Variants in KDM4A observed in about 807,000 individuals in gnomAD.
KDM4A encodes lysine demethylase 4A, also known as lysine-specific demethylase 4A.
In KDM4A, 23 loss-of-function variants were observed where a neutral mutation model predicts 127.1. The ratio of observed to expected loss-of-function variants is 0.18; its 90% CI spans 0.13 to 0.26. The LOEUF (loss-of-function observed/expected upper bound fraction) is 0.26. Ranked by LOEUF, KDM4A falls within the 10% of genes least tolerant of loss-of-function variation. KDM4A has a pLI of 1.00. For synonymous variants in KDM4A, 443 were observed against 466.5 expected, an observed-to-expected ratio of 0.95 and a Z score of 0.65; for missense variants, 890 against 1,329.1, an observed-to-expected ratio of 0.67 and a Z score of 5.14.
At chr1:43,675,200 T>TG (rs1330881417) in intron 11 of KDM4A, among the ~76,000 whole-genome samples, 1 of 152,262 alleles carries the variant, frequency 6.6e-6, no homozygotes. Context: ...CTTGTTTGTT[T>TG]GAACTACTTA....
chr1:43,658,204 G>A (rs1293026238), intron 3 of KDM4A, among the ~76,000 whole-genome samples: 1 of 149,856 alleles, frequency 6.7e-6, no homozygotes, highest in African/African-American at 2.5e-5. Flanking sequence ...CATGTAGCTG[G>A]GATTACAGGT....
intron 11 of KDM4A, among the ~76,000 whole-genome samples, chr1:43,672,936 GT>G (rs1660658252): frequency 6.6e-6 from 1 of 152,092 alleles, no homozygotes; most frequent in East Asian, 1.9e-4. Context: ...AAATTCAAGG[GT>G]TTTTTTCTTA....
At chr1:43,687,586 C>T (rs1661016511) in intron 12 of KDM4A, among the ~76,000 whole-genome samples, 2 of 152,236 alleles carry the variant, frequency 1.3e-5, no homozygotes, top group South Asian at 4.1e-4. Flanking sequence ...TCATACCTCC[C>T]TCACATGGTA....
At chr1:43,690,061 G>A (rs534504285) in intron 13 of KDM4A, among the ~76,000 whole-genome samples, 1 of 152,246 alleles carries the variant, frequency 6.6e-6, no homozygotes, top group Non-Finnish European at 1.5e-5. Context: ...CCATCCAGCA[G>A]ATATTTGCAA....
Position 43,653,203 on chromosome 1 carries a change from C to T in KDM4A, c.28C>T (p.Pro10Ser). The change falls in exon 2 of 22, where the codon CCC (proline) becomes TCC (serine). Residue 10 changes from proline (P) to serine (S), a missense_variant. This residue lies in a region of KDM4A where 9 missense variants were observed against 18.6 expected (regional missense o/e 0.48). Coordinates refer to ENST00000372396, the MANE Select transcript of KDM4A (RefSeq NM_014663.3). The stretch of plus-strand genomic sequence containing the variant: ...GGCTTCTGAGTCTGAAACTCTGAAT[C>T]CCAGTGCTAGGATAATGACCTTTTA... The part of the protein sequence containing the change: MASESETLN[P>S]SARIMTFYPT... 6.2e-7 allele frequency: 1 copy of T among 1,612,484 alleles called. No homozygotes were observed. Among genetic ancestry groups the T allele is most frequent in the South Asian group, 1.1e-5 (1 of 90,700 alleles).
intron 12 of KDM4A, 150 bp downstream of exon 12, chr1:43,683,954 C>T (rs1435511616): frequency 2.4e-6 from 2 of 838,984 alleles, no homozygotes; most frequent in Non-Finnish European, 3.6e-6. Flanking sequence ...GACCGGATTT[C>T]CTTATATCTA....
intron 13 of KDM4A, among the ~76,000 whole-genome samples, chr1:43,690,393 A>C (rs1661080931): frequency 6.6e-6 from 1 of 151,790 alleles, no homozygotes; most frequent in Non-Finnish European, 1.5e-5. Flanking sequence ...GACTACAGGC[A>C]CACACCATCA....
chr1:43,703,763 A>G (rs773634474), intron 20 of KDM4A, 27 bp downstream of exon 20: 12 of 1,613,206 alleles, frequency 7.4e-6, no homozygotes, highest in Middle Eastern at 1.7e-4. Context: ...CTTTCTAGGG[A>G]GTGGGGGGTG....
intron 3 of KDM4A, 35 bp downstream of exon 3, chr1:43,655,801 C>T (rs768810204): frequency 1.3e-6 from 2 of 1,560,672 alleles, no homozygotes; most frequent in Non-Finnish European, 1.7e-6. Flanking sequence ...GACATAGCAC[C>T]TAGGACCCTG....
At position 43,665,701 on chromosome 1, in the gene KDM4A, C is replaced by G; in HGVS notation, c.629C>G (p.Ser210Cys). The G allele has an allele frequency of 3.7e-6, 6 of 1,614,092 alleles. No homozygotes were observed. Among genetic ancestry groups the G allele is most frequent in the Non-Finnish European group, 5.1e-6 (6 of 1,179,984 alleles). Residue 210 changes from serine (S) to cysteine (C), a missense_variant, in exon 6 of 22, where the codon TCT becomes TGT. Ser to Cys is a moderately radical substitution (Grantham distance 112). Transcript: ENST00000372396. The part of the protein sequence containing the change: ...LHFGEPKSWY[S>C]VPPEHGKRLE... ...ATGCTCTCATGTGATTGCAGGTACT[C>G]TGTTCCACCTGAGCATGGAAAGCGG...
chr1:43,668,104 T>G (rs989027603), intron 9 of KDM4A, 85 bp downstream of exon 9: 103 of 1,507,094 alleles, frequency 6.8e-5, no homozygotes, highest in Non-Finnish European at 8.8e-5. Flanking sequence ...CTGTTTCTTG[T>G]TTTTTTTGTT....
At chr1:43,697,142 G>A (rs951568692) in intron 18 of KDM4A, among the ~76,000 whole-genome samples, 4 of 152,168 alleles carry the variant, frequency 2.6e-5, no homozygotes, top group Non-Finnish European at 5.9e-5. Context: ...CAGCAGTGTC[G>A]AAGCCCTGGG....
At position 43,694,015 on chromosome 1, in the gene KDM4A, T is replaced by C; in HGVS notation, c.2397T>C (p.Ala799=). 1 of 1,614,238 alleles carries C rather than the reference T, an allele frequency of 6.2e-7. No homozygotes were observed. Among genetic ancestry groups the C allele is most frequent in the South Asian group, 1.1e-5 (1 of 91,086 alleles). ...NDDRWVHVSC[A]VAILEARFVN... is the part of the protein sequence containing the mutation. ...GCAGGTGGGTCCACGTTTCATGTGC[T>C]GTGGCAATTCTGGAAGCAAGGTTTG... Residue 799 remains alanine, a synonymous_variant, in exon 17 of 22, where the codon GCT becomes GCC. Coordinates refer to ENST00000372396, the MANE Select transcript of KDM4A (RefSeq NM_014663.3). This position sits in a 1 kb window ranked among gnomAD's most constrained non-coding sequence, Gnocchi z 5.2.
At chr1:43,691,079 T>C (rs1661098383) in intron 14 of KDM4A, 30 bp downstream of exon 14, 4 of 1,610,164 alleles carry the variant, frequency 2.5e-6, no homozygotes, top group Non-Finnish European at 3.4e-6. Flanking sequence ...CTCTGTGTCC[T>C]GTCCCAGGAG....
At position 43,691,510 on chromosome 1, in the gene KDM4A, C is replaced by A; in HGVS notation, c.2257C>A (p.Pro753Thr). The A allele has an allele frequency of 6.2e-7, 1 of 1,613,556 alleles. No homozygotes were observed. Among genetic ancestry groups the A allele is most frequent in the Non-Finnish European group, 8.5e-7 (1 of 1,179,920 alleles). ...VRVHASCYGV[P>T]PAKASEDWMC... ...GTCCCTGTTAGGTTGCTATGGGGTC[C>A]CCCCTGCAAAGGCTTCTGAAGACTG... The change falls in exon 15 of 22, where the codon CCC (proline) becomes ACC (threonine). Residue 753 changes from proline to threonine, a missense_variant. Pro to Thr is a conservative substitution (Grantham distance 38). Around this residue, in one of 7 missense-constraint regions of KDM4A, gnomAD observed 246 missense variants for 418.4 expected, o/e 0.59. Coordinates refer to ENST00000372396, the MANE Select transcript of KDM4A (RefSeq NM_014663.3).
At position 43,668,418 on chromosome 1, in the gene KDM4A, C is replaced by T. The variant is rs1032079213; in HGVS notation, c.1163+399C>T. Among the ~76,000 whole-genome samples the T allele has an allele frequency of 1.6e-4, 25 of 152,288 alleles. 1 individual carries two copies. Among genetic ancestry groups the T allele is most frequent in the South Asian group, 8.3e-4 (4 of 4,828 alleles). On this transcript the variant is annotated intron_variant, in intron 9 of 21. Transcript: ENST00000372396. The stretch of plus-strand genomic sequence containing the variant: ...GGGATTACAGGTGTGAGCCACCGCG[C>T]CCGGCCGAGGCTGTTTCTAAGATGC...
At chr1:43,691,442 A>G (rs997265580) in intron 14 of KDM4A, 54 bp from the exon 15 acceptor site, 1 of 1,422,442 alleles carries the variant, frequency 7.0e-7, no homozygotes, top group Admixed American at 1.7e-5. Context: ...TTGCAAATCT[A>G]CCTTTTGACT....
chr1:43,655,613 A>G lies in KDM4A; in HGVS notation c.161A>G (p.Lys54Arg). ...CAGGTTGTTCCTCCAAAAGAGTGGAAGCCACGAGCATCCTATGATGACATT... is the reference window on the plus strand; with the variant it reads ...CAGGTTGTTCCTCCAAAAGAGTGGAGGCCACGAGCATCCTATGATGACATT... ...LAKVVPPKEW[K>R]PRASYDDIDD... The change falls in exon 3 of 22, where the codon AAG becomes AGG. Residue 54 changes from lysine (K) to arginine (R), a missense_variant. By Grantham distance (26) the Lys-to-Arg change is conservative. Transcript: ENST00000372396. 3.7e-6 allele frequency: 6 copies of G among 1,610,646 alleles called. No homozygotes were observed. Among genetic ancestry groups the G allele is most frequent in the Non-Finnish European group, 5.1e-6 (6 of 1,179,052 alleles).
Position 43,705,371 on chromosome 1 carries a change from G to A in KDM4A, c.*1001G>A, listed in dbSNP as rs1179928625. 1 of 152,572 alleles carries A rather than the reference G, an allele frequency of 6.6e-6. No individual in the cohort carries two copies. Among genetic ancestry groups the A allele is most frequent in the Non-Finnish European group, 1.5e-5 (1 of 68,032 alleles). The allele number at this position is 152,572 out of a possible 1,614,324, so 9.5% of individuals were successfully genotyped here. ...AATTTGTTTGCCTGGGCCCAGGATT[G>A]GAGGGCTTCACACCAATACCCTGTG... On this transcript the variant is annotated 3_prime_UTR_variant, in exon 22 of 22. Coordinates refer to ENST00000372396, the MANE Select transcript of KDM4A (RefSeq NM_014663.3).
Sources: gnomAD v4.1 joint callset for allele counts (sites outside exome capture counted in the v4.1 genomes callset) on GRCh38, gnomAD v4.1.1 for gene constraint, gnomAD v4.1.1 regional missense constraint, Gnocchi (gnomAD v3.1) non-coding constraint, MANE v1.5 for transcripts, NCBI Gene and HGNC (gene_info 2026-07-23, HGNC 2026-07-21) for gene names.